ADAMTSL1: variants seen among roughly 807,000 people sequenced by gnomAD.
ADAMTSL1 encodes the protein ADAMTS-like protein 1.
Under a neutral mutation model 201.8 loss-of-function variants are expected in ADAMTSL1, and 126 were observed. That is an observed-to-expected ratio of 0.62 (90% CI 0.54 to 0.72). The LOEUF (loss-of-function observed/expected upper bound fraction) is 0.72. Among genes scored for constraint, ADAMTSL1 ranks in the 30% least tolerant of loss-of-function variants. ADAMTSL1 has a pLI of 0.00. For missense variants in ADAMTSL1, 2,679 were observed against 2,277.8 expected, an observed-to-expected ratio of 1.18 and a Z score of -3.59; for synonymous variants, 1,121 against 903.4, an observed-to-expected ratio of 1.24 and a Z score of -4.32.
intron 4 of ADAMTSL1, among the ~76,000 whole-genome samples, chr9:18,586,102 G>A (rs1823471132): frequency 6.6e-6 from 1 of 152,134 alleles, no homozygotes; most frequent in African/African-American, 2.4e-5. Flanking sequence ...AATCAGGCAA[G>A]AGAAAAAGAT....
chr9:18,289,938 T>G (rs1339201824), intron 2 of ADAMTSL1, among the ~76,000 whole-genome samples: 1 of 152,186 alleles, frequency 6.6e-6, no homozygotes, highest in African/African-American at 2.4e-5. Flanking sequence ...ATACTGAGTT[T>G]TTTTTACCCT....
At chr9:17,974,940 A>T (rs1818382389) in intron 1 of ADAMTSL1, among the ~76,000 whole-genome samples, 1 of 152,036 alleles carries the variant, frequency 6.6e-6, no homozygotes, top group Non-Finnish European at 1.5e-5. Context: ...AGGAATCCTC[A>T]TACATTTTTT....
At chr9:18,699,176 G>A (rs1831766914) in intron 13 of ADAMTSL1, among the ~76,000 whole-genome samples, 1 of 152,142 alleles carries the variant, frequency 6.6e-6, no homozygotes, top group Admixed American at 6.5e-5. Context: ...AGCATTTTCT[G>A]CAAGAAAGAC....
chr9:18,228,019 T>C (rs1830494405), intron 2 of ADAMTSL1, among the ~76,000 whole-genome samples: 1 of 152,184 alleles, frequency 6.6e-6, no homozygotes, highest in Admixed American at 6.6e-5. Flanking sequence ...GCTCCTCCAG[T>C]CCATCTTACA....
intron 13 of ADAMTSL1, among the ~76,000 whole-genome samples, chr9:18,689,063 T>A (rs1798261552): frequency 6.6e-6 from 1 of 152,092 alleles, no homozygotes; most frequent in South Asian, 2.1e-4. Context: ...TGGAAAAATA[T>A]ATAGGAATAG....
chr9:18,053,282 C>G (rs1213482110), intron 1 of ADAMTSL1, among the ~76,000 whole-genome samples: 1 of 151,740 alleles, frequency 6.6e-6, no homozygotes, highest in Non-Finnish European at 1.5e-5. Flanking sequence ...TATAATGAGG[C>G]AAAGAGGACA....
intron 3 of ADAMTSL1, among the ~76,000 whole-genome samples, chr9:18,571,569 C>G (rs139399889): frequency 3.3e-5 from 5 of 152,108 alleles, no homozygotes; most frequent in Non-Finnish European, 7.4e-5. Flanking sequence ...TTAGACGCTC[C>G]CATTCAATGA....
intron 1 of ADAMTSL1, among the ~76,000 whole-genome samples, chr9:17,949,460 G>C (rs1229975474): frequency 1.3e-5 from 2 of 152,234 alleles, no homozygotes; most frequent in Non-Finnish European, 2.9e-5. Context: ...CTTGTATTCA[G>C]AGTTCAAAGG....
chr9:17,981,326 G>A (rs1818683777), intron 1 of ADAMTSL1, among the ~76,000 whole-genome samples: 1 of 152,192 alleles, frequency 6.6e-6, no homozygotes, highest in African/African-American at 2.4e-5. Flanking sequence ...GAACTGAGTA[G>A]AACAGTCACC....
At chr9:18,133,488 AACT>A (rs1826033649) in intron 1 of ADAMTSL1, among the ~76,000 whole-genome samples, 1 of 152,188 alleles carries the variant, frequency 6.6e-6, no homozygotes, top group Non-Finnish European at 1.5e-5. Context: ...AAAATCTGAC[AACT>A]AAGTATTAAA....
intron 2 of ADAMTSL1, among the ~76,000 whole-genome samples, chr9:18,515,879 A>G (rs564832551): frequency 4.6e-5 from 7 of 152,262 alleles, no homozygotes; most frequent in African/African-American, 1.7e-4. Flanking sequence ...TTATTAATTA[A>G]GCCTACAAAC....
chr9:18,178,577 CACAG>C (rs1828291259), intron 2 of ADAMTSL1, among the ~76,000 whole-genome samples: 1 of 151,772 alleles, frequency 6.6e-6, no homozygotes, highest in South Asian at 2.1e-4. Flanking sequence ...GGGGGCAGGG[CACAG>C]ACAAACAAAA....
chr9:18,834,826 T>G (rs1825211999), intron 23 of ADAMTSL1, among the ~76,000 whole-genome samples: 1 of 152,236 alleles, frequency 6.6e-6, no homozygotes, highest in African/African-American at 2.4e-5. Flanking sequence ...TATTGCTAAT[T>G]AGTATTTCAT....
intron 21 of ADAMTSL1, 34 bp from the exon 22 acceptor site, chr9:18,826,250 A>G: frequency 6.5e-7 from 1 of 1,536,526 alleles, no homozygotes; most frequent in Non-Finnish European, 8.7e-7. Context: ...TTGACTGATG[A>G]GTGGGGTTTT....
intron 2 of ADAMTSL1, among the ~76,000 whole-genome samples, chr9:18,371,773 TTTAGAATCTCTCTCTGCTGCCAGA>T (rs1399897190): frequency 6.6e-6 from 1 of 152,166 alleles, no homozygotes; most frequent in Non-Finnish European, 1.5e-5. Context: ...CTTATTCTAG[TTTAGAATCTCTCTCTGCTGCCAGA>T]TGTGGCTTTT....
At chr9:18,183,778 T>C (rs1305417109) in intron 2 of ADAMTSL1, among the ~76,000 whole-genome samples, 1 of 152,238 alleles carries the variant, frequency 6.6e-6, no homozygotes, top group Non-Finnish European at 1.5e-5. Context: ...CCAGTCTTTA[T>C]TTACAGGTTG....
intron 1 of ADAMTSL1, among the ~76,000 whole-genome samples, chr9:18,074,561 C>CTTT (rs138619215): frequency 1.5e-5 from 2 of 131,376 alleles, no homozygotes; most frequent in East Asian, 2.3e-4. Flanking sequence ...CTTCTCTTTT[C>CTTT]TTTTTTTTTT....
At chr9:18,391,409 G>C (rs993863036) in intron 2 of ADAMTSL1, among the ~76,000 whole-genome samples, 1 of 152,052 alleles carries the variant, frequency 6.6e-6, no homozygotes, top group Admixed American at 6.5e-5. Flanking sequence ...TAAAGTCATT[G>C]TACTAGACAG....
At chr9:18,463,066 A>G (rs189449350) in intron 2 of ADAMTSL1, among the ~76,000 whole-genome samples, 1 of 152,290 alleles carries the variant, frequency 6.6e-6, no homozygotes. Context: ...TCTAAGCTAA[A>G]ATAACCAAAT....
Sources: gnomAD v4.1 joint callset for allele counts (sites outside exome capture counted in the v4.1 genomes callset) on GRCh38, gnomAD v4.1.1 for gene constraint, MANE v1.5 for transcripts, NCBI Gene and HGNC (gene_info 2026-07-23, HGNC 2026-07-21) for gene names.